The following FRMD3 variants were observed in gnomAD, a reference collection of about 807,000 sequenced individuals.
FRMD3 encodes the protein FERM domain-containing protein 3.
In FRMD3, 33 loss-of-function variants were observed where a neutral mutation model predicts 70.2. The ratio of observed to expected loss-of-function variants is 0.47; its 90% CI spans 0.36 to 0.63. FRMD3 has a LOEUF of 0.63. Ranked by LOEUF, FRMD3 falls within the 20% of genes least tolerant of loss-of-function variation. The pLI is 0.00. For synonymous variants in FRMD3, 279 were observed against 255.9 expected, an observed-to-expected ratio of 1.09 and a Z score of -0.86; for missense variants, 632 against 711.4, an observed-to-expected ratio of 0.89 and a Z score of 1.27.
intron 8 of FRMD3, among the ~76,000 whole-genome samples, chr9:83,311,271 G>C (rs1444586036): frequency 6.9e-6 from 1 of 144,438 alleles, no homozygotes; most frequent in Non-Finnish European, 1.5e-5. Context: ...CAATGCGCCT[G>C]ACTGAGAATG....
chr9:83,422,850 T>C (rs977774985), intron 1 of FRMD3, among the ~76,000 whole-genome samples: 5 of 152,238 alleles, frequency 3.3e-5, no homozygotes, highest in Non-Finnish European at 5.9e-5. Context: ...AAAGGAGTCT[T>C]AAAGTTACAG....
chr9:83,266,521 G>C (rs1375070357), intron 13 of FRMD3, among the ~76,000 whole-genome samples: 10 of 151,722 alleles, frequency 6.6e-5, no homozygotes, highest in African/African-American at 1.7e-4. Context: ...GAAATTGGCA[G>C]AAGGTCAGTT....
intron 13 of FRMD3, among the ~76,000 whole-genome samples, chr9:83,255,729 C>A (rs1832677444): frequency 6.6e-6 from 1 of 152,034 alleles, no homozygotes; most frequent in Non-Finnish European, 1.5e-5. Context: ...TATACACCAA[C>A]AACAGGCAAG....
chr9:83,341,431 G>A (rs570205940), intron 5 of FRMD3, among the ~76,000 whole-genome samples: 1 of 152,168 alleles, frequency 6.6e-6, no homozygotes, highest in Non-Finnish European at 1.5e-5. Flanking sequence ...GCATGTCCTT[G>A]GAGAATTGAT....
intron 7 of FRMD3, among the ~76,000 whole-genome samples, chr9:83,313,278 A>C (rs1307519015): frequency 6.6e-6 from 1 of 152,204 alleles, no homozygotes; most frequent in Non-Finnish European, 1.5e-5. Flanking sequence ...GCCAAAATGC[A>C]ACTTGAAATC....
chr9:83,350,945 A>G, intron 3 of FRMD3: 3 of 828,612 alleles, frequency 3.6e-6, no homozygotes, highest in Non-Finnish European at 4.4e-6. Context: ...AACATCTTAA[A>G]TCAAGGAAAT....
rs56163115 is a variant in FRMD3, at chr9:83,346,255, C to CAAAAA, written c.375-2973_375-2969dup. Among the ~76,000 whole-genome samples, 125 of 62,034 alleles carry CAAAAA rather than the reference C, an allele frequency of 2.0e-3. 1 individual carries two copies. The highest frequency in any genetic ancestry group is 2.6e-3 in the Non-Finnish European group (90 of 34,266). 40.7% of individuals were successfully genotyped at this position (62,034 alleles called of 152,430 possible). ...TGAGCGACAGAGCAAGACGCCATCTCAAAAAAAAAAAAAAAAAAAAAAAAG... is the reference window on the plus strand; with the variant it reads ...TGAGCGACAGAGCAAGACGCCATCTCAAAAAAAAAAAAAAAAAAAAAAAAAAAAAG... On this transcript the variant is annotated intron_variant, in intron 4 of 13. Transcript: ENST00000304195.
chr9:83,563,923 G>T, the FRMD3 span, among the ~76,000 whole-genome samples: 1 of 152,130 alleles, frequency 6.6e-6, no homozygotes, highest in Non-Finnish European at 1.5e-5. Flanking sequence ...TATAAATTCA[G>T]ACATGTTCCC....
chr9:83,455,641 T>C (rs4877255), intron 1 of FRMD3, among the ~76,000 whole-genome samples: 48,074 of 152,100 alleles, frequency 0.32, 8,147 homozygotes, highest in Middle Eastern at 0.41. Flanking sequence ...GAAAACAGAC[T>C]AATATATATA....
intron 1 of FRMD3, among the ~76,000 whole-genome samples, chr9:83,534,186 C>A (rs1265214613): frequency 6.6e-6 from 1 of 152,190 alleles, no homozygotes; most frequent in Non-Finnish European, 1.5e-5. Context: ...AACCCAAACT[C>A]CCCTTTACTC....
At chr9:83,364,560 A>C (rs1271380425) in intron 3 of FRMD3, among the ~76,000 whole-genome samples, 4 of 152,014 alleles carry the variant, frequency 2.6e-5, no homozygotes, top group Non-Finnish European at 5.9e-5. Flanking sequence ...ATCTCCAAAA[A>C]AAAAAAAAAA....
upstream of FRMD3, among the ~76,000 whole-genome samples, chr9:83,543,214 G>A (rs1001130236): frequency 6.6e-6 from 1 of 151,654 alleles, no homozygotes; most frequent in Non-Finnish European, 1.5e-5. Context: ...AGACGAGTGT[G>A]AAGGCCTATT....
In FRMD3 at chr9:83,458,754, T is replaced by G. The variant is rs372763932; in HGVS notation, c.148-69046A>C. Reference sequence around the variant, plus strand: ...TGCAAGTCATCAGAAAATATCCAAATCAAGATACAGGCATAATGGTCATTT... The same window carrying G: ...TGCAAGTCATCAGAAAATATCCAAAGCAAGATACAGGCATAATGGTCATTT... On this transcript the variant is annotated intron_variant, in intron 1 of 13. Coordinates refer to ENST00000304195, the MANE Select transcript of FRMD3 (RefSeq NM_174938.6). Among the ~76,000 whole-genome samples the G allele has an allele frequency of 1.5e-4, 23 of 152,004 alleles. No homozygotes were observed. The East Asian group carries it at 2.1e-3, about 14-fold the overall frequency.
chr9:83,507,736 A>ATATATCTATCTATCTATC (rs1554713917), intron 1 of FRMD3, among the ~76,000 whole-genome samples: 16 of 88,700 alleles, frequency 1.8e-4, no homozygotes, highest in Non-Finnish European at 3.3e-4. Context: ...ATATATATAT[A>ATATATCTATCTATCTATC]TATCTTCTGG....
intron 1 of FRMD3, among the ~76,000 whole-genome samples, chr9:83,404,298 G>A (rs954556135): frequency 1.3e-5 from 2 of 152,122 alleles, no homozygotes; most frequent in African/African-American, 4.8e-5. Context: ...AAAATGTAGA[G>A]GAAGATTGAT....
At chr9:83,321,667 G>C (rs777240317) in intron 6 of FRMD3, among the ~76,000 whole-genome samples, 2 of 152,142 alleles carry the variant, frequency 1.3e-5, no homozygotes, top group Non-Finnish European at 2.9e-5. Context: ...CTATTGGGTA[G>C]AACATTCTGT....
At chr9:83,277,949 G>A (rs368822553) in intron 13 of FRMD3, among the ~76,000 whole-genome samples, 2 of 152,142 alleles carry the variant, frequency 1.3e-5, no homozygotes, top group South Asian at 2.1e-4. Context: ...GTTAGGGAAG[G>A]CAGTCAACAA....
intron 1 of FRMD3, among the ~76,000 whole-genome samples, chr9:83,534,353 A>G (rs556425777): frequency 9.1e-4 from 139 of 152,342 alleles, no homozygotes; most frequent in Middle Eastern, 6.8e-3. Context: ...AGACTGGACC[A>G]CTAGGTTGTG....
At chr9:83,409,020 C>T (rs1163502742) in intron 1 of FRMD3, among the ~76,000 whole-genome samples, 1 of 152,124 alleles carries the variant, frequency 6.6e-6, no homozygotes, top group African/African-American at 2.4e-5. Context: ...AAGAATGCTG[C>T]GATAAATTAC....
Sources: gnomAD v4.1 joint callset for allele counts (sites outside exome capture counted in the v4.1 genomes callset) on GRCh38, gnomAD v4.1.1 for gene constraint, MANE v1.5 for transcripts, NCBI Gene and HGNC (gene_info 2026-07-23, HGNC 2026-07-21) for gene names.